Variants in PHKB observed in about 807,000 individuals in gnomAD.
PHKB encodes the protein phosphorylase b kinase regulatory subunit beta.
In PHKB, 122 loss-of-function variants were observed where a neutral mutation model predicts 152.1. The observed-to-expected ratio is 0.80, with a 90% CI of 0.69 to 0.93. The LOEUF (loss-of-function observed/expected upper bound fraction) is 0.93, where lower values mean the gene tolerates loss of function less well. Among genes scored for constraint, PHKB ranks in the 40% least tolerant of loss-of-function variants. The probability of loss-of-function intolerance (pLI) is 0.00; values close to 1 mark genes in which losing one functional copy is unlikely to be tolerated. For missense variants in PHKB, 1,304 were observed against 1,328.4 expected, an observed-to-expected ratio of 0.98 and a Z score of 0.29; for synonymous variants, 436 against 464.9, an observed-to-expected ratio of 0.94 and a Z score of 0.80.
rs1036011531 is a variant in PHKB at position 47,513,649 on chromosome 16, A to G, written c.514-1872A>G. On this transcript the variant is annotated intron_variant, in intron 5 of 30. Coordinates refer to ENST00000323584, the MANE Select transcript of PHKB (RefSeq NM_000293.3). ...AATTTTCTGCCCCAATTTCCCATCT[A>G]TTACTCAGTTGGGCTGGAGGAGAGT... 2.6e-5 allele frequency among the ~76,000 whole-genome samples: 4 copies of G among 152,072 alleles called. No homozygotes were observed. In the South Asian group the frequency reaches 8.3e-4, roughly 31 times the overall value.
At chr16:47,665,923 C>G in intron 25 of PHKB, 1 of 1,581,562 alleles carries the variant, frequency 6.3e-7, no homozygotes, top group Non-Finnish European at 8.7e-7. Flanking sequence ...ATCTGGCCTG[C>G]TCTCTTCTTT....
intron 4 of PHKB, among the ~76,000 whole-genome samples, chr16:47,505,770 C>G (rs1170606116): frequency 6.6e-6 from 1 of 152,110 alleles, no homozygotes. Flanking sequence ...TGGTGGCTCA[C>G]GCCTAAAATC....
intron 1 of PHKB, among the ~76,000 whole-genome samples, chr16:47,476,702 ATGCATTAC>A (rs1446241555): frequency 6.6e-6 from 1 of 151,952 alleles, no homozygotes; most frequent in Non-Finnish European, 1.5e-5. Flanking sequence ...TTCCTCCCTT[ATGCATTAC>A]TGGTGTCACT....
At chr16:47,538,951 T>C (rs1260927976) in intron 6 of PHKB, among the ~76,000 whole-genome samples, 1 of 152,152 alleles carries the variant, frequency 6.6e-6, no homozygotes, top group African/African-American at 2.4e-5. Context: ...TGTATTACCA[T>C]TTCAGAAGGG....
intron 20 of PHKB, 50 bp downstream of exon 20, chr16:47,650,971 C>T (rs2151731693): frequency 8.2e-7 from 1 of 1,218,630 alleles, no homozygotes; most frequent in East Asian, 2.3e-5. Context: ...AGTTAATCTA[C>T]AATACAGCTA....
chr16:47,517,896 G>A (rs760614508), intron 6 of PHKB, among the ~76,000 whole-genome samples: 2 of 151,924 alleles, frequency 1.3e-5, no homozygotes, highest in East Asian at 1.9e-4. Context: ...TGTCATTTCC[G>A]CTCACCATCT....
At chr16:47,515,658 T>G (rs1390027633) in intron 6 of PHKB, 57 bp downstream of exon 6, 1 of 785,518 alleles carries the variant, frequency 1.3e-6, no homozygotes. Context: ...TATCTATTTT[T>G]TTTTTTAGTT....
rs574325021 is a variant in PHKB at position 47,577,822 on chromosome 16, GCATGGA to G, written c.711-2469_711-2464del. ...TTTTCAGAAGTTACGATGTGTCTTA[GCATGGA>G]CATTTTAAAATTTATTCTGTTTGTG... On this transcript the variant is annotated intron_variant, in intron 7 of 30. Transcript: ENST00000323584. 3.5e-3 allele frequency among the ~76,000 whole-genome samples: 527 copies of G among 152,146 alleles called. 2 individuals carry two copies. Among genetic ancestry groups the G allele is most frequent in the Non-Finnish European group, 3.7e-3 (252 of 67,960 alleles).
chr16:47,635,500 G>T (rs577129302), intron 14 of PHKB, among the ~76,000 whole-genome samples: 1 of 152,156 alleles, frequency 6.6e-6, no homozygotes, highest in South Asian at 2.1e-4. Context: ...ACATTTTTTG[G>T]CCAGAGCAAA....
In PHKB at chr16:47,505,830, C is replaced by T. The variant is rs556151549; in HGVS notation, c.405+2740C>T. 7.9e-5 allele frequency among the ~76,000 whole-genome samples: 12 copies of T among 151,382 alleles called. No homozygotes were observed. In the South Asian group the frequency reaches 1.9e-3, roughly 24 times the overall value. On this transcript the variant is annotated intron_variant, in intron 4 of 30. Coordinates refer to ENST00000323584, the MANE Select transcript of PHKB (RefSeq NM_000293.3). ...GGTGGATCGCTTGAGGCCAGGAGTTCGAGAGCAGCCTGGCCAACATGGTGA... is the reference window on the plus strand; with the variant it reads ...GGTGGATCGCTTGAGGCCAGGAGTTTGAGAGCAGCCTGGCCAACATGGTGA...
At chr16:47,640,989 C>A in intron 14 of PHKB, 46 bp from the exon 15 acceptor site, 4 of 1,507,660 alleles carry the variant, frequency 2.7e-6, no homozygotes, top group Non-Finnish European at 3.7e-6. Context: ...CTGATGATGA[C>A]CAGATCTTTT....
intron 12 of PHKB, among the ~76,000 whole-genome samples, chr16:47,595,191 G>C (rs1210622575): frequency 6.6e-6 from 1 of 152,152 alleles, no homozygotes; most frequent in Non-Finnish European, 1.5e-5. Context: ...GATCTTTGAT[G>C]CATTGAGATG....
At chr16:47,506,821 A>G (rs183013473) in intron 4 of PHKB, among the ~76,000 whole-genome samples, 1 of 152,378 alleles carries the variant, frequency 6.6e-6, no homozygotes, top group African/African-American at 2.4e-5. Flanking sequence ...GAGCTAAAAA[A>G]AGAACAAAAT....
Position 47,701,072 on chromosome 16 carries a change from G to C in PHKB, c.*1706G>C, listed in dbSNP as rs1364835630. The C allele has an allele frequency of 6.6e-6, 1 of 152,112 alleles. No individual in the cohort carries two copies. The highest frequency in any genetic ancestry group is 1.5e-5 in the Non-Finnish European group (1 of 68,022). The allele number at this position is 152,112 out of a possible 1,614,324, so 9.4% of individuals were successfully genotyped here. A position where few individuals can be genotyped will look rare whatever the true frequency, so the allele number is the denominator to read the frequency against. ...TGTTAAGAGAGTTTATGAAAAGATAGTCGTGAAGGGTGAAGCTAATTTGTA... is the reference window on the plus strand; with the variant it reads ...TGTTAAGAGAGTTTATGAAAAGATACTCGTGAAGGGTGAAGCTAATTTGTA... On this transcript the variant is annotated 3_prime_UTR_variant, in exon 31 of 31. Coordinates refer to ENST00000323584, the MANE Select transcript of PHKB (RefSeq NM_000293.3).
chr16:47,636,687 C>T (rs1278452977), intron 14 of PHKB, among the ~76,000 whole-genome samples: 2 of 152,228 alleles, frequency 1.3e-5, no homozygotes, highest in Non-Finnish European at 2.9e-5. Flanking sequence ...CTTTGAGCGC[C>T]GATGAGCACA....
At chr16:47,678,778 G>A (rs1973787938) in intron 26 of PHKB, among the ~76,000 whole-genome samples, 1 of 152,168 alleles carries the variant, frequency 6.6e-6, no homozygotes, top group Non-Finnish European at 1.5e-5. Flanking sequence ...AGTTTAATTA[G>A]ATCCCATTTG....
At chr16:47,683,782 G>C (rs1357814188) in intron 26 of PHKB, among the ~76,000 whole-genome samples, 1 of 152,110 alleles carries the variant, frequency 6.6e-6, no homozygotes, top group Non-Finnish European at 1.5e-5. Flanking sequence ...TGCACCCACT[G>C]TTTGGCACTC....
intron 6 of PHKB, among the ~76,000 whole-genome samples, chr16:47,523,771 T>G (rs1970722703): frequency 6.6e-6 from 1 of 152,196 alleles, no homozygotes; most frequent in South Asian, 2.1e-4. Context: ...TTATTTCCTT[T>G]ATATGCCTAG....
chr16:47,683,726 C>T (rs1436448266), intron 26 of PHKB, among the ~76,000 whole-genome samples: 4 of 152,218 alleles, frequency 2.6e-5, no homozygotes, highest in Non-Finnish European at 5.9e-5. Flanking sequence ...TGAGGCAATG[C>T]CTCGCCCTGC....
Sources: allele counts gnomAD v4.1 joint callset (sites outside exome capture counted in the v4.1 genomes callset), GRCh38; gene constraint gnomAD v4.1.1; transcripts MANE v1.5; gene names NCBI Gene and HGNC (gene_info 2026-07-23, HGNC 2026-07-21).